EFCAB13: variants seen among roughly 807,000 people sequenced by gnomAD.
The protein encoded by EFCAB13 is EF-hand calcium-binding domain-containing protein 13.
Under a neutral mutation model 110.2 loss-of-function variants are expected in EFCAB13, and 91 were observed. The ratio of observed to expected loss-of-function variants is 0.83; its 90% CI spans 0.70 to 0.98. EFCAB13 has a LOEUF of 0.98. EFCAB13 is among the 50% of genes least tolerant of loss of function. The pLI, the probability that EFCAB13 is intolerant of heterozygous loss-of-function variation, is 0.00. For missense variants in EFCAB13, 968 were observed against 1,119.4 expected (o/e 0.86, Z 1.93); for synonymous variants, 323 against 369.9 (o/e 0.87, Z 1.45).
At chr17:47,394,639 A>T (rs1567797271) in intron 16 of EFCAB13, among the ~76,000 whole-genome samples, 1 of 152,206 alleles carries the variant, frequency 6.6e-6, no homozygotes, top group Non-Finnish European at 1.5e-5. Flanking sequence ...TAATGGAGTG[A>T]AGTTAGTATG....
At chr17:47,367,789 G>A (rs2065556235) in intron 10 of EFCAB13, among the ~76,000 whole-genome samples, 1 of 152,138 alleles carries the variant, frequency 6.6e-6, no homozygotes, top group South Asian at 2.1e-4. Context: ...ATCAAGAAAA[G>A]GTGGATGCGT....
chr17:47,412,339 AT>A (rs2065840485), intron 21 of EFCAB13, among the ~76,000 whole-genome samples: 1 of 152,186 alleles, frequency 6.6e-6, no homozygotes, highest in African/African-American at 2.4e-5. Flanking sequence ...TAACTAATGC[AT>A]AGAGAGGAGG....
At chr17:47,365,853 C>T (rs1043001613) in intron 10 of EFCAB13, among the ~76,000 whole-genome samples, 1 of 152,036 alleles carries the variant, frequency 6.6e-6, no homozygotes, top group Non-Finnish European at 1.5e-5. Context: ...AAAAAGAGCA[C>T]AAGTGACTCA....
At chr17:47,411,826 T>C (rs1233434722) in intron 21 of EFCAB13, among the ~76,000 whole-genome samples, 1 of 152,234 alleles carries the variant, frequency 6.6e-6, no homozygotes, top group Non-Finnish European at 1.5e-5. Flanking sequence ...GTTTGGTGTC[T>C]GATGCCTGTA....
chr17:47,337,872 A>G (rs2065360276), intron 5 of EFCAB13, among the ~76,000 whole-genome samples: 1 of 152,174 alleles, frequency 6.6e-6, no homozygotes, highest in Non-Finnish European at 1.5e-5. Flanking sequence ...TATCCAGTGT[A>G]TGGCATTGTT....
At chr17:47,379,574 T>C (rs965347609) in intron 14 of EFCAB13, among the ~76,000 whole-genome samples, 4 of 151,568 alleles carry the variant, frequency 2.6e-5, no homozygotes, top group Admixed American at 1.3e-4. Context: ...TTTTTTTTTT[T>C]CCCATGGACT....
At chr17:47,399,785 C>CA (rs1456346833) in intron 17 of EFCAB13, among the ~76,000 whole-genome samples, 17 of 151,764 alleles carry the variant, frequency 1.1e-4, no homozygotes, top group Admixed American at 1.1e-3. Context: ...ATGATGATTA[C>CA]AAAAAAAGCA....
chr17:47,362,606 C>G (rs2065521667), intron 10 of EFCAB13, among the ~76,000 whole-genome samples: 1 of 152,234 alleles, frequency 6.6e-6, no homozygotes, highest in Non-Finnish European at 1.5e-5. Context: ...TATCCGGAGG[C>G]CTAACCGTCT....
chr17:47,345,109 GT>G lies in EFCAB13; in HGVS notation c.517+13del, dbSNP rs780546199. ...CAAAAGAATTAAGTGGTAATAAGAG[GT>G]TCTAAAATTTCTTGAATACATTTCC... is the stretch of plus-strand genomic sequence containing the variant. On this transcript the variant is annotated intron_variant, in intron 8 of 24. Coordinates refer to ENST00000331493, the MANE Select transcript of EFCAB13 (RefSeq NM_152347.5). The G allele has an allele frequency of 7.0e-6, 11 of 1,568,312 alleles. No homozygotes were observed. Among genetic ancestry groups the G allele is most frequent in the Non-Finnish European group, 8.7e-6 (10 of 1,155,246 alleles).
intron 23 of EFCAB13, among the ~76,000 whole-genome samples, chr17:47,425,008 G>A (rs1413787891): frequency 1.4e-5 from 2 of 143,408 alleles, no homozygotes; most frequent in South Asian, 2.3e-4. Context: ...TCAGCCTCCC[G>A]AGTAGCTGGG....
intron 24 of EFCAB13, among the ~76,000 whole-genome samples, chr17:47,436,240 T>C (rs1326632417): frequency 1.3e-5 from 2 of 152,162 alleles, no homozygotes; most frequent in Admixed American, 1.3e-4. Flanking sequence ...TTTTCTTTTT[T>C]GGTTATGTCC....
chr17:47,425,186 G>T, intron 23 of EFCAB13, among the ~76,000 whole-genome samples: 1 of 152,032 alleles, frequency 6.6e-6, no homozygotes. Flanking sequence ...CCGGCCCTCC[G>T]GTTGACAATC....
intron 23 of EFCAB13, among the ~76,000 whole-genome samples, chr17:47,422,205 A>G (rs1233949496): frequency 6.6e-6 from 1 of 152,212 alleles, no homozygotes; most frequent in Non-Finnish European, 1.5e-5. Flanking sequence ...AATCATCTTA[A>G]TAGATGTAGA....
intron 12 of EFCAB13, among the ~76,000 whole-genome samples, chr17:47,376,321 TCAAAAGA>T (rs2065615057): frequency 6.6e-6 from 1 of 150,982 alleles, no homozygotes; most frequent in African/African-American, 2.4e-5. Flanking sequence ...TATTTTTATT[TCAAAAGA>T]ATTAAAACCT....
chr17:47,345,549 C>T (rs1175962206), intron 8 of EFCAB13, among the ~76,000 whole-genome samples: 1 of 152,082 alleles, frequency 6.6e-6, no homozygotes, highest in Non-Finnish European at 1.5e-5. Context: ...TTTACCTTAA[C>T]TCTGGTTGTC....
intron 23 of EFCAB13, among the ~76,000 whole-genome samples, chr17:47,419,249 T>G (rs1246455467): frequency 6.6e-6 from 1 of 152,110 alleles, no homozygotes; most frequent in Admixed American, 6.6e-5. Flanking sequence ...GAGAAAATCC[T>G]AAAAGCCACC....
intron 14 of EFCAB13, among the ~76,000 whole-genome samples, chr17:47,390,261 A>G (rs1598745985): frequency 6.6e-6 from 1 of 152,164 alleles, no homozygotes; most frequent in East Asian, 1.9e-4. Flanking sequence ...GAATATACAA[A>G]CACAATATAC....
chr17:47,336,592 A>ATTT (rs66495523), intron 5 of EFCAB13, among the ~76,000 whole-genome samples: 2 of 119,544 alleles, frequency 1.7e-5, no homozygotes, highest in Non-Finnish European at 3.4e-5. Flanking sequence ...CACCTGGCCA[A>ATTT]TTTTTTTTTT....
At chr17:47,351,553 A>G (rs1380817370) in intron 9 of EFCAB13, among the ~76,000 whole-genome samples, 1 of 152,096 alleles carries the variant, frequency 6.6e-6, no homozygotes, top group Non-Finnish European at 1.5e-5. Flanking sequence ...TTTTTTCATA[A>G]TGCTCGTTTG....
Sources: gnomAD v4.1 joint callset for allele counts (sites outside exome capture counted in the v4.1 genomes callset) on GRCh38, gnomAD v4.1.1 for gene constraint, MANE v1.5 for transcripts, NCBI Gene and HGNC (gene_info 2026-07-23, HGNC 2026-07-21) for gene names.